DCC: variants seen among roughly 807,000 people sequenced by gnomAD.
DCC encodes DCC netrin 1 receptor.
A neutral mutation model predicts 172.5 loss-of-function variants in DCC; 58 were observed. That is an observed-to-expected ratio of 0.34 (90% CI 0.27 to 0.42). The LOEUF (loss-of-function observed/expected upper bound fraction) is 0.42, where lower values mean the gene tolerates loss of function less well. Among genes scored for constraint, DCC ranks in the 10% least tolerant of loss-of-function variants. The probability of loss-of-function intolerance (pLI) is 1.00; values close to 1 mark genes in which losing one functional copy is unlikely to be tolerated. For synonymous variants in DCC, 709 were observed against 644.5 expected (o/e 1.10, Z -1.52); for missense variants, 1,740 against 1,791.0 (o/e 0.97, Z 0.51).
intron 1 of DCC, among the ~76,000 whole-genome samples, chr18:52,595,077 C>G (rs1003386077): frequency 1.3e-5 from 2 of 152,120 alleles, no homozygotes; most frequent in South Asian, 4.2e-4. Flanking sequence ...GTATCACTTC[C>G]CTCTCCAATT....
chr18:53,086,843 T>C (rs1158063862), intron 7 of DCC, among the ~76,000 whole-genome samples: 1 of 142,330 alleles, frequency 7.0e-6, no homozygotes, highest in Non-Finnish European at 1.5e-5. Flanking sequence ...TGAGTGAGAA[T>C]ATGTGATGTT....
intron 8 of DCC, among the ~76,000 whole-genome samples, chr18:53,176,487 A>T (rs1275670310): frequency 2.0e-5 from 3 of 150,338 alleles, no homozygotes; most frequent in Non-Finnish European, 4.4e-5. Context: ...TACAAGAAAA[A>T]AACAAACAAC....
chr18:52,633,902 A>C (rs2034723282), intron 1 of DCC, among the ~76,000 whole-genome samples: 1 of 152,250 alleles, frequency 6.6e-6, no homozygotes, highest in Non-Finnish European at 1.5e-5. Context: ...TAACGCTAGC[A>C]CAGCCCCTGA....
intron 15 of DCC, among the ~76,000 whole-genome samples, chr18:53,355,773 G>T (rs2057871212): frequency 6.6e-6 from 1 of 152,108 alleles, no homozygotes; most frequent in South Asian, 2.1e-4. Flanking sequence ...TCTTTCTCCT[G>T]CCTGGCACTC....
At position 53,126,758 on chromosome 18, in the gene DCC, A is replaced by C. The variant is rs1466741450; in HGVS notation, c.1262-30598A>C. The stretch of plus-strand genomic sequence containing the variant: ...CAGAATCCAGATGCTCAGGTCAAAT[A>C]AGACCATAAGTGAGAAATAAACTGT... On this transcript the variant is annotated intron_variant, in intron 7 of 28. Coordinates refer to ENST00000442544, the MANE Select transcript of DCC (RefSeq NM_005215.4). Among the ~76,000 whole-genome samples the C allele has an allele frequency of 2.0e-5, 3 of 152,170 alleles. No homozygotes were observed. The East Asian group carries it at 5.8e-4, about 29-fold the overall frequency.
chr18:52,970,730 G>T (rs979364496), intron 5 of DCC, among the ~76,000 whole-genome samples: 1 of 152,076 alleles, frequency 6.6e-6, no homozygotes, highest in African/African-American at 2.4e-5. Flanking sequence ...ATTCCCTTTG[G>T]TATGCCATAG....
chr18:52,642,318 G>A (rs117020844), intron 1 of DCC, among the ~76,000 whole-genome samples: 10,323 of 151,726 alleles, frequency 0.068, 460 homozygotes, highest in Middle Eastern at 0.12. Context: ...TGGGGAATTC[G>A]GGGGAAGAGT....
intron 1 of DCC, among the ~76,000 whole-genome samples, chr18:52,368,795 T>G (rs1211457808): frequency 1.3e-5 from 2 of 152,228 alleles, no homozygotes; most frequent in Non-Finnish European, 2.9e-5. Flanking sequence ...CCCAGACCTG[T>G]GCACTGTGTT....
rs377749939 is a variant in DCC, at chr18:52,992,491, G to A, written c.985+67121G>A. ...CCTCTGAGTCTCCTTCCAACTACAC[G>A]TTTCTCTGGTTAATTTCTTTATCCA... is the stretch of plus-strand genomic sequence containing the variant. On this transcript the variant is annotated intron_variant, in intron 5 of 28. Coordinates refer to ENST00000442544, the MANE Select transcript of DCC (RefSeq NM_005215.4). Among the ~76,000 whole-genome samples, 73 of 152,190 alleles carry A rather than the reference G, an allele frequency of 4.8e-4. 1 individual carries two copies. In the South Asian group the frequency reaches 9.8e-3, roughly 20 times the overall value.
chr18:52,680,715 C>T (rs1317857093), intron 1 of DCC, among the ~76,000 whole-genome samples: 2 of 152,048 alleles, frequency 1.3e-5, no homozygotes, highest in African/African-American at 4.8e-5. Flanking sequence ...CAAATCATGT[C>T]ATTTAGGTGG....
chr18:52,745,192 G>C (rs981023852), intron 1 of DCC, among the ~76,000 whole-genome samples: 1 of 152,154 alleles, frequency 6.6e-6, no homozygotes, highest in Non-Finnish European at 1.5e-5. Context: ...GTTGAAATAA[G>C]TGTTCAATTA....
intron 12 of DCC, among the ~76,000 whole-genome samples, chr18:53,235,681 G>A (rs1598933226): frequency 7.9e-6 from 1 of 126,862 alleles, no homozygotes; most frequent in Non-Finnish European, 1.7e-5. Flanking sequence ...TTGACGTTAA[G>A]TATATTCATA....
At chr18:52,728,513 T>A (rs867708097) in intron 1 of DCC, among the ~76,000 whole-genome samples, 1 of 152,306 alleles carries the variant, frequency 6.6e-6, no homozygotes, top group Middle Eastern at 3.4e-3. Context: ...CTTCCAGGAA[T>A]GCTGAGAGGT....
intron 8 of DCC, among the ~76,000 whole-genome samples, chr18:53,159,399 A>G (rs1195371500): frequency 6.6e-6 from 1 of 152,102 alleles, no homozygotes; most frequent in African/African-American, 2.4e-5. Context: ...TGTCAACTTT[A>G]CCTTGGCCAT....
At chr18:53,037,290 T>G (rs2042108020) in intron 5 of DCC, among the ~76,000 whole-genome samples, 1 of 151,986 alleles carries the variant, frequency 6.6e-6, no homozygotes, top group South Asian at 2.1e-4. Context: ...ACTGGCAATG[T>G]GTAGTTGAAG....
rs112670964 is a variant in DCC, at chr18:53,301,159, G to A, written c.1912-4419G>A. Among the ~76,000 whole-genome samples, 714 of 148,574 alleles carry A rather than the reference G, an allele frequency of 4.8e-3. 9 individuals are homozygous for A. The highest frequency in any genetic ancestry group is 0.017 in the African/African-American group (681 of 40,296). Reference sequence around the variant, plus strand: ...GGCTGGAGTGCAATGGTGTGATCTCGGCTCACTGCAACCTCCACCTTCCGG... The same window carrying A: ...GGCTGGAGTGCAATGGTGTGATCTCAGCTCACTGCAACCTCCACCTTCCGG... On this transcript the variant is annotated intron_variant, in intron 12 of 28. Transcript: ENST00000442544.
chr18:53,244,756 T>C (rs946073216), intron 12 of DCC, among the ~76,000 whole-genome samples: 2 of 152,088 alleles, frequency 1.3e-5, no homozygotes, highest in African/African-American at 4.8e-5. Context: ...CTATGGTTCA[T>C]TGGGGTCCCT....
In DCC at chr18:53,327,067, G is replaced by C. The variant is rs1431191; in HGVS notation, c.2164+4910G>C. Among the ~76,000 whole-genome samples, 42 of 152,292 alleles carry C rather than the reference G, an allele frequency of 2.8e-4. No individual in the cohort carries two copies. In the East Asian group the frequency reaches 7.1e-3, roughly 26 times the overall value. ...TTGCAGATTGTTAAAGGAAACCCCT[G>C]CCTCCTGTGACTTCTGTAGTTCCTC... is the stretch of plus-strand genomic sequence containing the variant. On this transcript the variant is annotated intron_variant, in intron 14 of 28. Coordinates refer to ENST00000442544, the MANE Select transcript of DCC (RefSeq NM_005215.4).
At chr18:53,057,476 C>T (rs1011272815) in intron 5 of DCC, among the ~76,000 whole-genome samples, 1 of 151,948 alleles carries the variant, frequency 6.6e-6, no homozygotes, top group African/African-American at 2.4e-5. Context: ...CTTGTCTCAG[C>T]CCCCCATAAA....
Sources: allele counts gnomAD v4.1 joint callset (sites outside exome capture counted in the v4.1 genomes callset), GRCh38; gene constraint gnomAD v4.1.1; transcripts MANE v1.5; gene names NCBI Gene and HGNC (gene_info 2026-07-23, HGNC 2026-07-21).